MTOR: variants seen among roughly 807,000 people sequenced by gnomAD.
The protein encoded by MTOR is serine/threonine-protein kinase mTOR.
Under a neutral mutation model 319.8 loss-of-function variants are expected in MTOR, and 70 were observed. That is an observed-to-expected ratio of 0.22 (90% CI 0.18 to 0.27). MTOR has a LOEUF of 0.27. Ranked by LOEUF, MTOR falls within the 10% of genes least tolerant of loss-of-function variation. MTOR has a pLI of 1.00. For synonymous variants in MTOR, 1,183 were observed against 1,211.4 expected (o/e 0.98, Z 0.49); for missense variants, 1,890 against 3,274.4 (o/e 0.58, Z 10.32).
chr1:11,145,041 A>C lies in MTOR; in HGVS notation c.4691T>G (p.Ile1564Ser). The change falls in exon 33 of 58, where the codon ATT becomes AGT. Residue 1564 changes from isoleucine to serine, a missense_variant. Physicochemically the swap from Ile to Ser is moderately radical, Grantham distance 142. Transcript: ENST00000361445. ...ATCCAGCAGGTCCCTGGCCTTGTCA[A>C]TGCACTAGAAGAGAAACAACCCTTG... Reference protein sequence around the residue: ...QDLFSLAQQCIDKARDLLDAE... With the variant: ...QDLFSLAQQCSDKARDLLDAE... 1 of 1,614,158 alleles carries C rather than the reference A, an allele frequency of 6.2e-7. No individual in the cohort carries two copies. The highest frequency in any genetic ancestry group is 8.5e-7 in the Non-Finnish European group (1 of 1,180,016).
intron 28 of MTOR, among the ~76,000 whole-genome samples, chr1:11,177,094 T>G (rs1444418415): frequency 6.6e-6 from 1 of 152,178 alleles, no homozygotes; most frequent in East Asian, 1.9e-4. Context: ...CCTCTGGGTC[T>G]GGCAGGGCTG....
intron 4 of MTOR, chr1:11,256,422 AT>A (rs1336630604): frequency 1.3e-6 from 1 of 747,434 alleles, no homozygotes; most frequent in African/African-American, 1.9e-5. Context: ...ATGTTTGAAC[AT>A]AAGTTCTGGA....
In MTOR at chr1:11,130,680, C is replaced by T. The variant is rs1278874733; in HGVS notation, c.5462G>A (p.Ser1821Asn). ...RDEKKKLRHASGANITNATTA... is the reference protein window; with the variant it reads ...RDEKKKLRHANGANITNATTA... Reference sequence around the variant, plus strand: ...GGTGGCGTTGGTGATGTTGGCCCCGCTGGCATGACGCAGTTTCTTCTTCTC... The same window carrying T: ...GGTGGCGTTGGTGATGTTGGCCCCGTTGGCATGACGCAGTTTCTTCTTCTC... Residue 1821 changes from serine to asparagine, a missense_variant, in exon 39 of 58, where the codon AGC (serine) becomes AAC (asparagine). Transcript: ENST00000361445. 1 of 1,611,148 alleles carries T rather than the reference C, an allele frequency of 6.2e-7. No homozygotes were observed. Among genetic ancestry groups the T allele is most frequent in the South Asian group, 1.1e-5 (1 of 90,326 alleles).
At chr1:11,126,481 T>C (rs984312023) in intron 46 of MTOR, 141 bp downstream of exon 46, 87 of 980,430 alleles carry the variant, frequency 8.9e-5, no homozygotes, top group Non-Finnish European at 1.8e-5. Flanking sequence ...TGCCCTCTAT[T>C]TTCCTCTCAA....
At position 11,130,675 on chromosome 1, in the gene MTOR, C is replaced by T. The variant is rs1643102243; in HGVS notation, c.5467G>A (p.Ala1823Thr). 1.9e-6 allele frequency: 3 copies of T among 1,611,526 alleles called. No homozygotes were observed. Among genetic ancestry groups the T allele is most frequent in the Non-Finnish European group, 2.5e-6 (3 of 1,179,020 alleles). ...EKKKLRHASG[A>T]NITNATTAAT... is the part of the protein sequence containing the mutation. ...GCAGTGGTGGCGTTGGTGATGTTGG[C>T]CCCGCTGGCATGACGCAGTTTCTTC... Residue 1823 changes from alanine (A) to threonine (T), a missense_variant, in exon 39 of 58, where the codon GCC becomes ACC. This residue lies in a region of MTOR where 91 missense variants were observed against 90.4 expected (regional missense o/e 1.01). Coordinates refer to ENST00000361445, the MANE Select transcript of MTOR (RefSeq NM_004958.4).
chr1:11,159,517 T>C (rs915600368), intron 29 of MTOR, among the ~76,000 whole-genome samples: 1 of 152,036 alleles, frequency 6.6e-6, no homozygotes, highest in Non-Finnish European at 1.5e-5. Context: ...GGTGCATGCC[T>C]GTAATCCCAG....
chr1:11,212,965 C>T lies in MTOR; in HGVS notation c.3286-57G>A, dbSNP rs2100795321. The T allele has an allele frequency of 7.3e-7, 1 of 1,365,474 alleles. No individual in the cohort carries two copies. Among genetic ancestry groups the T allele is most frequent in the South Asian group, 1.2e-5 (1 of 85,552 alleles). 84.6% of individuals were successfully genotyped at this position (1,365,474 alleles called of 1,614,324 possible). A position where few individuals can be genotyped will look rare whatever the true frequency, so the allele number is the denominator to read the frequency against. ...TAGTCAGGTCCCAAGTATCTAAGGA[C>T]ACGCAGCGGGTGGTGGTGTAGACAA... is the stretch of plus-strand genomic sequence containing the variant. On this transcript the variant is annotated intron_variant, in intron 21 of 57. Coordinates refer to ENST00000361445, the MANE Select transcript of MTOR (RefSeq NM_004958.4). The surrounding 1 kb of genome is among the most constrained non-coding windows in gnomAD (Gnocchi z 4.1).
In MTOR at chr1:11,256,919, C is replaced by CT; in HGVS notation, c.504+13dup. 3.7e-6 allele frequency: 6 copies of CT among 1,611,286 alleles called. No individual in the cohort carries two copies. The highest frequency in any genetic ancestry group is 4.2e-6 in the Non-Finnish European group (5 of 1,178,442). On this transcript the variant is annotated intron_variant, in intron 4 of 57. Transcript: ENST00000361445. ...TCCCCAAGCCTGGCTGTGCTCCTCCCTGTAGACACTCACAGCTGCATGTCT... is the reference window on the plus strand; with the variant it reads ...TCCCCAAGCCTGGCTGTGCTCCTCCCTTGTAGACACTCACAGCTGCATGTCT...
chr1:11,184,549 A>G (rs1571096682), intron 28 of MTOR, among the ~76,000 whole-genome samples: 1 of 152,070 alleles, frequency 6.6e-6, no homozygotes, highest in Admixed American at 6.6e-5. Context: ...GCCTCAACAT[A>G]GTGAGACTCC....
chr1:11,261,965 G>C (rs1365538350), intron 1 of MTOR, among the ~76,000 whole-genome samples: 1 of 152,158 alleles, frequency 6.6e-6, no homozygotes, highest in Non-Finnish European at 1.5e-5. Context: ...AGTTAAGATT[G>C]GATGGGGGAA....
chr1:11,220,485 G>A (rs1332239467), intron 19 of MTOR, among the ~76,000 whole-genome samples: 1 of 152,150 alleles, frequency 6.6e-6, no homozygotes, highest in Non-Finnish European at 1.5e-5. Context: ...GCTCCTAAGA[G>A]GAATTTGTCC....
Position 11,133,103 on chromosome 1 carries a change from C to T in MTOR, c.5341G>A (p.Glu1781Lys), listed in dbSNP as rs750330347. 1 of 1,614,162 alleles carries T rather than the reference C, an allele frequency of 6.2e-7. No homozygotes were observed. The change falls in exon 38 of 58, where the codon GAG (glutamate) becomes AAG (lysine). Residue 1781 changes from glutamate (E) to lysine (K), a missense_variant. Glu to Lys is a moderately conservative substitution (Grantham distance 56). Around this residue, in one of 15 missense-constraint regions of MTOR, gnomAD observed 276 missense variants for 459.4 expected, o/e 0.60. Coordinates refer to ENST00000361445, the MANE Select transcript of MTOR (RefSeq NM_004958.4). This position sits in a 1 kb window ranked among gnomAD's most constrained non-coding sequence, Gnocchi z 4.0. ...ACCTTGTACCAGCTGCGGTCGTGCTCTGTGGCGGCGCTGTAGTACTGCAGC... is the reference window on the plus strand; with the variant it reads ...ACCTTGTACCAGCTGCGGTCGTGCTTTGTGGCGGCGCTGTAGTACTGCAGC... ...KVLQYYSAAT[E>K]HDRSWYKAWH...
intron 8 of MTOR, 115 bp from the exon 9 acceptor site, chr1:11,243,415 G>A: frequency 1.0e-6 from 1 of 969,096 alleles, no homozygotes. Context: ...AAAGTGGCCA[G>A]GCACAGTGGC....
intron 34 of MTOR, among the ~76,000 whole-genome samples, chr1:11,141,672 A>G (rs1382509468): frequency 2.0e-5 from 3 of 150,396 alleles, no homozygotes; most frequent in African/African-American, 7.3e-5. Flanking sequence ...CCTGGCCACA[A>G]ATTCTTTATA....
chr1:11,255,460 T>C (rs774563480), intron 5 of MTOR, among the ~76,000 whole-genome samples: 1 of 149,652 alleles, frequency 6.7e-6, no homozygotes, highest in African/African-American at 2.5e-5. Flanking sequence ...TTCTTAGTCA[T>C]ACATAAAATA....
chr1:11,212,917 G>C lies in MTOR; in HGVS notation c.3286-9C>G, dbSNP rs895151346. On this transcript the variant is annotated splice_polypyrimidine_tract_variant and intron_variant, in intron 21 of 57. Coordinates refer to ENST00000361445, the MANE Select transcript of MTOR (RefSeq NM_004958.4). The surrounding 1 kb of genome is among the most constrained non-coding windows in gnomAD (Gnocchi z 4.1). ...TGGATTGCAGCCAGTAACTGCAAAA[G>C]GGAGCAAAAGCATGGTGATGAATAG... is the stretch of plus-strand genomic sequence containing the variant. 1.9e-6 allele frequency: 3 copies of C among 1,609,482 alleles called. No individual in the cohort carries two copies. The highest frequency in any genetic ancestry group is 2.6e-6 in the Non-Finnish European group (3 of 1,175,892).
chr1:11,189,151 A>G (rs1186560970), intron 28 of MTOR, among the ~76,000 whole-genome samples: 1 of 152,128 alleles, frequency 6.6e-6, no homozygotes, highest in Non-Finnish European at 1.5e-5. Flanking sequence ...CTCTTGTCTT[A>G]GCCCAGAGAC....
chr1:11,183,615 T>C (rs1434664257), intron 28 of MTOR, among the ~76,000 whole-genome samples: 2 of 152,250 alleles, frequency 1.3e-5, no homozygotes, highest in African/African-American at 4.8e-5. Flanking sequence ...TTTCTTAATA[T>C]TTTCCTTTAT....
intron 6 of MTOR, among the ~76,000 whole-genome samples, chr1:11,252,882 C>T (rs905622414): frequency 2.0e-5 from 3 of 152,218 alleles, no homozygotes; most frequent in South Asian, 2.1e-4. Context: ...GTAATAGCTT[C>T]GTCTGGCAGC....
Sources: allele counts gnomAD v4.1 joint callset (sites outside exome capture counted in the v4.1 genomes callset), GRCh38; gene constraint gnomAD v4.1.1; regional missense constraint gnomAD v4.1.1; non-coding constraint Gnocchi (gnomAD v3.1); transcripts MANE v1.5; gene names NCBI Gene and HGNC (gene_info 2026-07-23, HGNC 2026-07-21).